NUDCD3: variants seen among roughly 807,000 people sequenced by gnomAD.
The protein encoded by NUDCD3 is nudC domain-containing protein 3.
Under a neutral mutation model 39.7 loss-of-function variants are expected in NUDCD3, and 13 were observed. That is an observed-to-expected ratio of 0.33 (90% CI 0.21 to 0.52). The LOEUF (loss-of-function observed/expected upper bound fraction) is 0.52, where lower values mean the gene tolerates loss of function less well. Ranked by LOEUF, NUDCD3 falls within the 20% of genes least tolerant of loss-of-function variation. NUDCD3 has a pLI of 0.96. For synonymous variants in NUDCD3, 175 were observed against 172.4 expected (o/e 1.02, Z -0.12); for missense variants, 453 against 458.1 (o/e 0.99, Z 0.10).
At chr7:44,430,182 T>A (rs1160873941) in intron 2 of NUDCD3, among the ~76,000 whole-genome samples, 1 of 152,148 alleles carries the variant, frequency 6.6e-6, no homozygotes, top group African/African-American at 2.4e-5. Flanking sequence ...GAAAAATGGT[T>A]CTCTTTAAAA....
chr7:44,396,113 G>GTGTGTC (rs1554487480), intron 4 of NUDCD3, among the ~76,000 whole-genome samples: 1 of 151,474 alleles, frequency 6.6e-6, no homozygotes, highest in African/African-American at 2.4e-5. Flanking sequence ...GTGTGTGTGT[G>GTGTGTC]TGTGTGTGTG....
At chr7:44,417,540 C>G (rs1391908265) in intron 3 of NUDCD3, among the ~76,000 whole-genome samples, 1 of 152,178 alleles carries the variant, frequency 6.6e-6, no homozygotes, top group Non-Finnish European at 1.5e-5. Context: ...TAGAGCAGTT[C>G]AGAAGACAGA....
intron 2 of NUDCD3, among the ~76,000 whole-genome samples, chr7:44,459,957 G>A (rs1023308720): frequency 6.6e-6 from 1 of 152,158 alleles, no homozygotes; most frequent in East Asian, 1.9e-4. Context: ...TACAAAACTT[G>A]ATCAAGTCAC....
At chr7:44,451,007 G>A (rs1342952687) in intron 2 of NUDCD3, among the ~76,000 whole-genome samples, 2 of 152,176 alleles carry the variant, frequency 1.3e-5, no homozygotes, top group East Asian at 3.8e-4. Context: ...AGACTAAAAA[G>A]AGTATATACT....
At chr7:44,487,133 C>G (rs1358690571) in intron 1 of NUDCD3, among the ~76,000 whole-genome samples, 1 of 152,180 alleles carries the variant, frequency 6.6e-6, no homozygotes, top group Non-Finnish European at 1.5e-5. Flanking sequence ...GCTTGTCAGT[C>G]TAAACGATTT....
At chr7:44,430,578 A>T (rs533761483) in intron 2 of NUDCD3, among the ~76,000 whole-genome samples, 46 of 149,804 alleles carry the variant, frequency 3.1e-4, no homozygotes, top group Non-Finnish European at 4.9e-4. Flanking sequence ...ACTCACACAC[A>T]CACACACACA....
chr7:44,401,998 C>A (rs1798736307), intron 4 of NUDCD3, among the ~76,000 whole-genome samples: 1 of 152,198 alleles, frequency 6.6e-6, no homozygotes, highest in African/African-American at 2.4e-5. Flanking sequence ...CAATGGGGAC[C>A]CACACTCCTC....
At chr7:44,458,942 G>C (rs1585093039) in intron 2 of NUDCD3, among the ~76,000 whole-genome samples, 1 of 102,404 alleles carries the variant, frequency 9.8e-6, no homozygotes, top group African/African-American at 3.9e-5. Context: ...AGTGCTGTGT[G>C]TGTGTGTGTG....
rs963818203 is a variant in NUDCD3 at position 44,385,897 on chromosome 7, G to A, written c.*114C>T. On this transcript the variant is annotated 3_prime_UTR_variant, in exon 6 of 6. Coordinates refer to ENST00000355451, the MANE Select transcript of NUDCD3 (RefSeq NM_015332.4). ...GGCCTGGTTCACCCTTGAAAGAAAGGATGGCTAGGGGTAAACAAGACGAGC... is the reference window on the plus strand; with the variant it reads ...GGCCTGGTTCACCCTTGAAAGAAAGAATGGCTAGGGGTAAACAAGACGAGC... The A allele has an allele frequency of 8.2e-5, 54 of 657,606 alleles. No individual in the cohort carries two copies. In the South Asian group the frequency reaches 9.2e-4, roughly 11 times the overall value. The allele number at this position is 657,606 out of a possible 1,614,324, so 40.7% of individuals were successfully genotyped here. A position where few individuals can be genotyped will look rare whatever the true frequency, so the allele number is the denominator to read the frequency against.
rs1013398573 is a variant in NUDCD3, at chr7:44,444,644, C to T, written c.510-16941G>A. Among the ~76,000 whole-genome samples the T allele has an allele frequency of 2.6e-5, 4 of 152,182 alleles. No individual in the cohort carries two copies. In the East Asian group the frequency reaches 7.7e-4, roughly 29 times the overall value. On this transcript the variant is annotated intron_variant, in intron 2 of 5. Coordinates refer to ENST00000355451, the MANE Select transcript of NUDCD3 (RefSeq NM_015332.4). The stretch of plus-strand genomic sequence containing the variant: ...CCCAACTTTAACGTTAATTAGCACG[C>T]ACCCACTATCAGTAATGCTGAGTCC...
In NUDCD3 at chr7:44,426,522, C is replaced by T. The variant is rs184113526; in HGVS notation, c.642+1049G>A. On this transcript the variant is annotated intron_variant, in intron 3 of 5. Transcript: ENST00000355451. ...TAAAAAAATAGCAAGGGAGGCCGGGCGCGGTGGCTCACGCCTGTAATCCCA... is the reference window on the plus strand; with the variant it reads ...TAAAAAAATAGCAAGGGAGGCCGGGTGCGGTGGCTCACGCCTGTAATCCCA... Among the ~76,000 whole-genome samples the T allele has an allele frequency of 3.0e-3, 459 of 152,192 alleles. 5 individuals are homozygous for T. Among genetic ancestry groups the T allele is most frequent in the African/African-American group, 0.01 (423 of 41,514 alleles).
intron 2 of NUDCD3, among the ~76,000 whole-genome samples, chr7:44,440,125 A>G (rs1799548056): frequency 6.6e-6 from 1 of 152,238 alleles, no homozygotes; most frequent in African/African-American, 2.4e-5. Context: ...CAACGGGCAC[A>G]TGACATTGGA....
At chr7:44,457,608 G>A (rs965931926) in intron 2 of NUDCD3, among the ~76,000 whole-genome samples, 9 of 152,122 alleles carry the variant, frequency 5.9e-5, no homozygotes, top group Admixed American at 4.6e-4. Flanking sequence ...TTTAAACTAC[G>A]AAACTAATGG....
intron 2 of NUDCD3, among the ~76,000 whole-genome samples, chr7:44,439,340 A>T (rs1476134306): frequency 6.6e-6 from 1 of 152,126 alleles, no homozygotes; most frequent in Non-Finnish European, 1.5e-5. Context: ...CCAGGTAGAG[A>T]GGTAAAAAAG....
intron 2 of NUDCD3, among the ~76,000 whole-genome samples, chr7:44,474,543 C>G (rs1800323282): frequency 6.6e-6 from 1 of 152,174 alleles, no homozygotes; most frequent in Non-Finnish European, 1.5e-5. Context: ...ACAGATGATT[C>G]TAACACTCCT....
At chr7:44,455,156 T>A (rs751361343) in intron 2 of NUDCD3, among the ~76,000 whole-genome samples, 1 of 151,896 alleles carries the variant, frequency 6.6e-6, no homozygotes, top group Non-Finnish European at 1.5e-5. Flanking sequence ...CAAATCAAGT[T>A]CCAACTTCTG....
intron 2 of NUDCD3, among the ~76,000 whole-genome samples, chr7:44,477,563 A>G (rs1262634707): frequency 1.3e-5 from 2 of 152,164 alleles, no homozygotes; most frequent in Non-Finnish European, 2.9e-5. Flanking sequence ...GTGCTATGAA[A>G]GTTGACACTG....
At chr7:44,386,161 G>A (rs756926637) in intron 5 of NUDCD3, 40 bp from the exon 6 acceptor site, 28 of 1,606,918 alleles carry the variant, frequency 1.7e-5, no homozygotes, top group Middle Eastern at 1.6e-4. Context: ...GGATCACAAC[G>A]CACTGTGTAC....
intron 2 of NUDCD3, among the ~76,000 whole-genome samples, chr7:44,457,271 G>A (rs184689020): frequency 8.5e-4 from 129 of 152,300 alleles, no homozygotes; most frequent in Admixed American, 2.0e-3. Flanking sequence ...TAAGACAAGG[G>A]TGCCTACTCT....
Sources: allele counts gnomAD v4.1 joint callset (sites outside exome capture counted in the v4.1 genomes callset), GRCh38; gene constraint gnomAD v4.1.1; transcripts MANE v1.5; gene names NCBI Gene and HGNC (gene_info 2026-07-23, HGNC 2026-07-21).